Variants in EDRF1 observed in about 807,000 individuals in gnomAD.
The protein encoded by EDRF1 is erythroid differentiation-related factor 1.
A neutral mutation model predicts 148.7 loss-of-function variants in EDRF1; 69 were observed. That is an observed-to-expected ratio of 0.46 (90% CI 0.38 to 0.57). The LOEUF (loss-of-function observed/expected upper bound fraction) is 0.57. Ranked by LOEUF, EDRF1 falls within the 20% of genes least tolerant of loss-of-function variation. The probability of loss-of-function intolerance (pLI) is 0.00; values close to 1 mark genes in which losing one functional copy is unlikely to be tolerated. For synonymous variants in EDRF1, 515 were observed against 532.8 expected (o/e 0.97, Z 0.46); for missense variants, 1,118 against 1,478.7 (o/e 0.76, Z 4.00).
chr10:125,730,725 A>G (rs951317626), intron 9 of EDRF1, among the ~76,000 whole-genome samples: 12 of 152,352 alleles, frequency 7.9e-5, no homozygotes, highest in Non-Finnish European at 1.8e-4. Context: ...TCGTTATGCA[A>G]ATATCTACTC....
Position 125,721,414 on chromosome 10 carries a change from T to TA in EDRF1, c.317+5dup. On this transcript the variant is annotated splice_region_variant and intron_variant, in intron 2 of 24. Coordinates refer to ENST00000356792, the MANE Select transcript of EDRF1 (RefSeq NM_001202438.2). ...CAAGAAAAGCAAGCCATTTTCAAGGTAAATATTAATCAGTGGCATTTTTAC... is the reference window on the plus strand; with the variant it reads ...CAAGAAAAGCAAGCCATTTTCAAGGTAAAATATTAATCAGTGGCATTTTTAC... The TA allele has an allele frequency of 6.2e-7, 1 of 1,613,952 alleles. No homozygotes were observed. Among genetic ancestry groups the TA allele is most frequent in the South Asian group, 1.1e-5 (1 of 91,078 alleles).
At chr10:125,726,793 A>G (rs1390599403) in intron 6 of EDRF1, among the ~76,000 whole-genome samples, 4 of 152,270 alleles carry the variant, frequency 2.6e-5, no homozygotes, top group Admixed American at 2.6e-4. Context: ...TATGCAAGTC[A>G]CATAGTGGTA....
At chr10:125,733,355 T>C in intron 9 of EDRF1, 49 bp from the exon 10 acceptor site, 1 of 1,462,318 alleles carries the variant, frequency 6.8e-7, no homozygotes, top group Non-Finnish European at 9.3e-7. Context: ...AAGGTGTTGT[T>C]TCCTTGGGTT....
intron 19 of EDRF1, chr10:125,747,210 G>A (rs1684965227): frequency 3.7e-6 from 1 of 273,534 alleles, no homozygotes; most frequent in Non-Finnish European, 7.0e-6. Flanking sequence ...TATATAAACT[G>A]TAATTTTCAT....
rs1274071055 is a variant in EDRF1 at position 125,723,700 on chromosome 10, T to C, written c.385-111T>C. 33 of 1,179,264 alleles carry C rather than the reference T, an allele frequency of 2.8e-5. No individual in the cohort carries two copies. In the East Asian group the frequency reaches 8.4e-4, roughly 30 times the overall value. 73.1% of individuals were successfully genotyped at this position (1,179,264 alleles called of 1,614,324 possible). A position where few individuals can be genotyped will look rare whatever the true frequency, so the allele number is the denominator to read the frequency against. On this transcript the variant is annotated intron_variant, in intron 3 of 24. Transcript: ENST00000356792. ...TGTTTAAAGTTCTATTTGTATAACC[T>C]TAAGGAAATAAGGTTTATTATGCTT... is the stretch of plus-strand genomic sequence containing the variant.
rs144071063 is a variant in EDRF1 at position 125,738,406 on chromosome 10, G to A, written c.1942G>A (p.Glu648Lys). Residue 648 changes from glutamate (E) to lysine (K), a missense_variant, in exon 15 of 25, where the codon GAG becomes AAG. Transcript: ENST00000356792. ...AGATGAATCCTCAAGAGGGGGTCCC[G>A]AGGGGCTAGAGAAGCAGATGGCCTT... The part of the protein sequence containing the change: ...YEDESSRGGP[E>K]GLEKQMALFL... 1.6e-5 allele frequency: 26 copies of A among 1,614,082 alleles called. No homozygotes were observed. The African/African-American group carries it at 1.7e-4, about 11-fold the overall frequency.
intron 14 of EDRF1, 77 bp from the exon 15 acceptor site, chr10:125,738,218 T>C: frequency 6.4e-7 from 1 of 1,560,882 alleles, no homozygotes; most frequent in South Asian, 1.1e-5. Flanking sequence ...TATTCAGTAG[T>C]CCAGATACTG....
Position 125,734,875 on chromosome 10 carries a change from G to A in EDRF1, c.1497+692G>A, listed in dbSNP as rs368507451. On this transcript the variant is annotated intron_variant, in intron 12 of 24. Transcript: ENST00000356792. Reference sequence around the variant, plus strand: ...AAATCAGTAAAGGTATGTAAGATACGCAATTTTTCTTTGAAGAGCCAAAGT... The same window carrying A: ...AAATCAGTAAAGGTATGTAAGATACACAATTTTTCTTTGAAGAGCCAAAGT... Among the ~76,000 whole-genome samples, 61 of 152,196 alleles carry A rather than the reference G, an allele frequency of 4.0e-4. No individual in the cohort carries two copies. In the South Asian group the frequency reaches 9.7e-3, roughly 24 times the overall value.
intron 2 of EDRF1, among the ~76,000 whole-genome samples, chr10:125,721,781 T>C (rs1848019515): frequency 6.6e-6 from 1 of 152,224 alleles, no homozygotes; most frequent in Non-Finnish European, 1.5e-5. Context: ...TCATCTTTCC[T>C]GTGGAGTTTT....
intron 21 of EDRF1, chr10:125,748,569 T>G (rs1849484437): frequency 7.5e-6 from 1 of 133,554 alleles, no homozygotes; most frequent in African/African-American, 2.7e-5. Context: ...AGTGATGTTT[T>G]TTTGTTTGTT....
In EDRF1 at chr10:125,719,813, G is replaced by C. The variant is rs1412431968; in HGVS notation, c.6G>C (p.Gly2=). The C allele has an allele frequency of 6.2e-7, 1 of 1,610,634 alleles. No individual in the cohort carries two copies. The highest frequency in any genetic ancestry group is 1.7e-5 in the Admixed American group (1 of 59,700). The stretch of plus-strand genomic sequence containing the variant: ...GCCTGCCCTGGATCGAAGTGATGGG[G>C]GATGCCAAGGAGGCCGGAGCCGAGG... M[G]DAKEAGAEGP... is the part of the protein sequence containing the mutation. The change falls in exon 1 of 25, where the codon GGG becomes GGC. Residue 2 remains glycine, a synonymous_variant. Transcript: ENST00000356792.
rs776235417 is a variant in EDRF1 at position 125,747,650 on chromosome 10, C to T, written c.2929C>T (p.Leu977=). The T allele has an allele frequency of 2.7e-5, 44 of 1,614,066 alleles. No homozygotes were observed. Among genetic ancestry groups the T allele is most frequent in the Non-Finnish European group, 3.7e-5 (44 of 1,180,016 alleles). The change falls in exon 20 of 25, where the codon CTA becomes TTA. Residue 977 remains leucine (L), a synonymous_variant. Transcript: ENST00000356792. The part of the protein sequence containing the change: ...LSTTYFTMAT[L]QQDYAPLSRK... ...CACTACTTACTTTACTATGGCAACT[C>T]TACAGCAAGATTATGCTCCGTTATC...
rs747186711 is a variant in EDRF1, at chr10:125,763,518, G to A, written c.*46G>A. 1.1e-5 allele frequency: 17 copies of A among 1,584,154 alleles called. No homozygotes were observed. Among genetic ancestry groups the A allele is most frequent in the Admixed American group, 1.7e-5 (1 of 58,340 alleles). On this transcript the variant is annotated 3_prime_UTR_variant, in exon 25 of 25. Transcript: ENST00000356792. This position sits in a 1 kb window ranked among gnomAD's most constrained non-coding sequence, Gnocchi z 4.3. ...GACACGCTGTCAGTGCCTTCAACAC[G>A]GAGCCGGTTTGTTCATTCGGTGCTT...
intron 19 of EDRF1, chr10:125,746,864 C>T (rs1476072219): frequency 6.6e-6 from 1 of 152,256 alleles, no homozygotes; most frequent in Non-Finnish European, 1.5e-5. Context: ...AATTTTATGA[C>T]AAATGGTCAC....
chr10:125,729,407 T>A lies in EDRF1; in HGVS notation c.944T>A (p.Ile315Asn), dbSNP rs774793488. The A allele has an allele frequency of 3.1e-6, 5 of 1,613,952 alleles. No individual in the cohort carries two copies. The South Asian group carries it at 5.5e-5, about 18-fold the overall frequency. ...VRNILWTFEDIHMLVGSNMPI... is the reference protein window; with the variant it reads ...VRNILWTFEDNHMLVGSNMPI... ...AATATTCTATGGACATTTGAAGATA[T>A]CCATATGTTGGTCGGCTCCAACATG... The change falls in exon 8 of 25, where the codon ATC becomes AAC. Residue 315 changes from isoleucine (I) to asparagine (N), a missense_variant. Ile to Asn is a moderately radical substitution (Grantham distance 149). Coordinates refer to ENST00000356792, the MANE Select transcript of EDRF1 (RefSeq NM_001202438.2).
At chr10:125,750,838 G>A (rs917581955) in intron 22 of EDRF1, among the ~76,000 whole-genome samples, 4 of 152,238 alleles carry the variant, frequency 2.6e-5, no homozygotes, top group African/African-American at 9.6e-5. Context: ...CTCTTTATGT[G>A]AGGAAGGTTT....
In EDRF1 at chr10:125,733,269, C is replaced by A. The variant is rs1180753245; in HGVS notation, c.1129-135C>A. The A allele has an allele frequency of 1.4e-5, 9 of 666,404 alleles. No homozygotes were observed. In the African/African-American group the frequency reaches 1.5e-4, roughly 11 times the overall value. 41.3% of individuals were successfully genotyped at this position (666,404 alleles called of 1,614,324 possible). On this transcript the variant is annotated intron_variant, in intron 9 of 24. Coordinates refer to ENST00000356792, the MANE Select transcript of EDRF1 (RefSeq NM_001202438.2). Reference sequence around the variant, plus strand: ...GCTGGGGCAGAAAAAAGATTAAAAACCACTGGTTTAAACACTTTCATGCTA... The same window carrying A: ...GCTGGGGCAGAAAAAAGATTAAAAAACACTGGTTTAAACACTTTCATGCTA...
intron 14 of EDRF1, 49 bp downstream of exon 14, chr10:125,738,038 T>G (rs1367568866): frequency 1.3e-6 from 2 of 1,545,958 alleles, no homozygotes; most frequent in Admixed American, 3.3e-5. Flanking sequence ...TGTACTTGAT[T>G]ATGCAAATTA....
chr10:125,732,723 A>G (rs1848534988), intron 9 of EDRF1, among the ~76,000 whole-genome samples: 1 of 152,222 alleles, frequency 6.6e-6, no homozygotes, highest in Non-Finnish European at 1.5e-5. Flanking sequence ...CTTACATTCC[A>G]GTTGATTTGA....
Sources: allele counts gnomAD v4.1 joint callset (sites outside exome capture counted in the v4.1 genomes callset), GRCh38; gene constraint gnomAD v4.1.1; non-coding constraint Gnocchi (gnomAD v3.1); transcripts MANE v1.5; gene names NCBI Gene and HGNC (gene_info 2026-07-23, HGNC 2026-07-21).